Variants in ST3GAL3 observed in about 807,000 individuals in gnomAD.
The protein encoded by ST3GAL3 is CMP-N-acetylneuraminate-beta-1,4-galactoside alpha-2,3-sialyltransferase.
A neutral mutation model predicts 50.1 loss-of-function variants in ST3GAL3; 21 were observed. The observed-to-expected ratio is 0.42, with a 90% confidence interval of 0.30 to 0.60. ST3GAL3 has a LOEUF of 0.60. Ranked by LOEUF, ST3GAL3 falls within the 20% of genes least tolerant of loss-of-function variation. The pLI is 0.19. For missense variants in ST3GAL3, 353 were observed against 489.4 expected, an observed-to-expected ratio of 0.72 and a Z score of 2.63; for synonymous variants, 183 against 190.0, an observed-to-expected ratio of 0.96 and a Z score of 0.30.
Position 43,920,442 on chromosome 1 carries a change from A to C in ST3GAL3, c.783A>C (p.Arg261=). ...SDGFWKSVAT[R]VPKEPPEIRI... The stretch of plus-strand genomic sequence containing the variant: ...GCTTCTGGAAATCTGTGGCCACTCG[A>C]GTGCCCAAGGAGCCCCCTGAGATTC... Residue 261 remains arginine (R), a synonymous_variant, in exon 10 of 12, where the codon CGA becomes CGC. Coordinates refer to ENST00000347631, the MANE Select transcript of ST3GAL3 (RefSeq NM_006279.5). 6.2e-7 allele frequency: 1 copy of C among 1,614,076 alleles called. No individual in the cohort carries two copies. Among genetic ancestry groups the C allele is most frequent in the Admixed American group, 1.7e-5 (1 of 60,008 alleles).
intron 3 of ST3GAL3, among the ~76,000 whole-genome samples, chr1:43,809,932 G>A (rs1573344549): frequency 6.7e-6 from 1 of 149,772 alleles, no homozygotes. Context: ...GGTGGAGGTT[G>A]CAGTGAGCCG....
At chr1:43,781,238 A>G (rs1393616318) in intron 2 of ST3GAL3, among the ~76,000 whole-genome samples, 2 of 152,198 alleles carry the variant, frequency 1.3e-5, no homozygotes, top group Non-Finnish European at 2.9e-5. Flanking sequence ...AATCTAAATC[A>G]GGTCAGCAAA....
chr1:43,718,512 C>T lies in ST3GAL3; in HGVS notation c.-31+10819C>T, dbSNP rs1668617356. Among the ~76,000 whole-genome samples the T allele has an allele frequency of 2.7e-5, 4 of 145,462 alleles. No homozygotes were observed. The Admixed American group carries it at 2.8e-4, about 10-fold the overall frequency. On this transcript the variant is annotated intron_variant, in intron 1 of 11. Transcript: ENST00000347631. Reference sequence around the variant, plus strand: ...CTATCATTAAATCTTAATATGCCATCTTGCTTGAGTTTTTTTTTATTTTTT... The same window carrying T: ...CTATCATTAAATCTTAATATGCCATTTTGCTTGAGTTTTTTTTTATTTTTT...
At chr1:43,903,354 G>C (rs569514133) in intron 9 of ST3GAL3, among the ~76,000 whole-genome samples, 1 of 152,280 alleles carries the variant, frequency 6.6e-6, no homozygotes, top group East Asian at 1.9e-4. Flanking sequence ...CTCAGGCCCT[G>C]CCCTCTTGCC....
intron 5 of ST3GAL3, chr1:43,878,983 T>C (rs887238142): frequency 6.6e-6 from 3 of 455,342 alleles, no homozygotes; most frequent in African/African-American, 4.0e-5. Flanking sequence ...CAAGTGCACA[T>C]GGGAGACAGG....
At chr1:43,735,660 C>T (rs1381226817) in intron 1 of ST3GAL3, among the ~76,000 whole-genome samples, 1 of 152,186 alleles carries the variant, frequency 6.6e-6, no homozygotes, top group African/African-American at 2.4e-5. Context: ...CGACTCTAAG[C>T]AAGGATCCAG....
chr1:43,786,675 A>C (rs1376842490), intron 2 of ST3GAL3, among the ~76,000 whole-genome samples: 1 of 152,096 alleles, frequency 6.6e-6, no homozygotes, highest in Non-Finnish European at 1.5e-5. Context: ...TATCTCCCTG[A>C]CTAAAACAAA....
At position 43,930,329 on chromosome 1, in the gene ST3GAL3, A is replaced by C; in HGVS notation, c.*108A>C. On this transcript the variant is annotated 3_prime_UTR_variant, in exon 12 of 12. Transcript: ENST00000347631. ...AGAGAAGGACGGTGCCAAGGGCCCC[A>C]GGGGCAGCAAGGCCTTGGTGGAGCA... 1 of 1,050,722 alleles carries C rather than the reference A, an allele frequency of 9.5e-7. No homozygotes were observed. Among genetic ancestry groups the C allele is most frequent in the South Asian group, 1.3e-5 (1 of 79,474 alleles). The allele number at this position is 1,050,722 out of a possible 1,614,324, so 65.1% of individuals were successfully genotyped here.
intron 4 of ST3GAL3, among the ~76,000 whole-genome samples, chr1:43,815,903 A>G (rs1349678656): frequency 1.3e-5 from 2 of 151,516 alleles, no homozygotes; most frequent in Non-Finnish European, 2.9e-5. Context: ...GGATGGATGG[A>G]TGGATGGATG....
chr1:43,725,433 A>G (rs1383805288), intron 1 of ST3GAL3, among the ~76,000 whole-genome samples: 3 of 152,076 alleles, frequency 2.0e-5, no homozygotes, highest in Non-Finnish European at 4.4e-5. Flanking sequence ...AACTGACCTC[A>G]GGTGATCCAC....
At chr1:43,756,005 G>T (rs1324380415) in intron 2 of ST3GAL3, among the ~76,000 whole-genome samples, 1 of 150,182 alleles carries the variant, frequency 6.7e-6, no homozygotes, top group Non-Finnish European at 1.5e-5. Flanking sequence ...GGAGGCTGAG[G>T]TGGGAGGATC....
chr1:43,897,276 G>T (rs980971974), intron 6 of ST3GAL3, among the ~76,000 whole-genome samples: 1 of 152,066 alleles, frequency 6.6e-6, no homozygotes, highest in Admixed American at 6.5e-5. Context: ...TTATTAAGAT[G>T]CTCTCCATTG....
intron 4 of ST3GAL3, among the ~76,000 whole-genome samples, chr1:43,834,034 G>A (rs1449295581): frequency 2.0e-5 from 3 of 152,020 alleles, no homozygotes; most frequent in African/African-American, 4.8e-5. Flanking sequence ...GGTGGCAGGC[G>A]CCTGTAACCT....
intron 2 of ST3GAL3, among the ~76,000 whole-genome samples, chr1:43,767,742 G>T (rs1372112185): frequency 6.6e-6 from 1 of 151,236 alleles, no homozygotes; most frequent in Non-Finnish European, 1.5e-5. Flanking sequence ...GTTGATGGGT[G>T]CAGCAAACCG....
chr1:43,797,984 C>T (rs368740680), intron 3 of ST3GAL3, among the ~76,000 whole-genome samples: 4 of 152,140 alleles, frequency 2.6e-5, no homozygotes, highest in South Asian at 2.1e-4. Context: ...AGCAGCTTCC[C>T]GAAACCAAAT....
chr1:43,823,592 G>T (rs2062396149), intron 4 of ST3GAL3, among the ~76,000 whole-genome samples: 1 of 152,010 alleles, frequency 6.6e-6, no homozygotes, highest in Non-Finnish European at 1.5e-5. Context: ...CCCCTTTACT[G>T]TGTCATTTTC....
chr1:43,813,391 T>G (rs2060797030), intron 3 of ST3GAL3, among the ~76,000 whole-genome samples: 2 of 152,232 alleles, frequency 1.3e-5, no homozygotes, highest in African/African-American at 4.8e-5. Context: ...TTATTTTATA[T>G]TTAAGCCTTT....
intron 5 of ST3GAL3, among the ~76,000 whole-genome samples, chr1:43,869,909 C>T (rs971820515): frequency 1.3e-5 from 2 of 152,232 alleles, no homozygotes; most frequent in African/African-American, 4.8e-5. Flanking sequence ...GGGCTGTTCA[C>T]CAGCTTCTGT....
At chr1:43,763,663 C>T (rs1047020325) in intron 2 of ST3GAL3, among the ~76,000 whole-genome samples, 5 of 152,150 alleles carry the variant, frequency 3.3e-5, no homozygotes, top group African/African-American at 4.8e-5. Context: ...GACAGATTAG[C>T]GCTGGAATGA....
Sources: allele counts gnomAD v4.1 joint callset (sites outside exome capture counted in the v4.1 genomes callset), GRCh38; gene constraint gnomAD v4.1.1; transcripts MANE v1.5; gene names NCBI Gene and HGNC (gene_info 2026-07-23, HGNC 2026-07-21).